The following ERBB4 variants were observed in gnomAD, a reference collection of about 807,000 sequenced individuals.
ERBB4 encodes the protein erb-b2 receptor tyrosine kinase 4.
ERBB4 carries 42 observed loss-of-function variants against 158.0 expected under a neutral mutation model. The observed-to-expected ratio is 0.27, with a 90% CI of 0.21 to 0.34. The LOEUF (loss-of-function observed/expected upper bound fraction) is 0.34. Among genes scored for constraint, ERBB4 ranks in the 10% least tolerant of loss-of-function variants. The pLI, the probability that ERBB4 is intolerant of heterozygous loss-of-function variation, is 1.00. For synonymous variants in ERBB4, 583 were observed against 558.7 expected (o/e 1.04, Z -0.61); for missense variants, 1,333 against 1,624.1 (o/e 0.82, Z 3.08).
intron 19 of ERBB4, among the ~76,000 whole-genome samples, chr2:211,570,508 C>T: frequency 7.4e-6 from 1 of 135,244 alleles, no homozygotes. Context: ...ATTACACTTA[C>T]TATGGCTTCT....
At chr2:212,185,981 A>C (rs1006694713) in intron 1 of ERBB4, among the ~76,000 whole-genome samples, 1 of 152,202 alleles carries the variant, frequency 6.6e-6, no homozygotes, top group African/African-American at 2.4e-5. Flanking sequence ...CTACAACTTA[A>C]AGTAATTTGT....
At chr2:212,262,034 GA>G (rs1314749913) in intron 1 of ERBB4, among the ~76,000 whole-genome samples, 2 of 151,980 alleles carry the variant, frequency 1.3e-5, no homozygotes, top group Non-Finnish European at 2.9e-5. Flanking sequence ...TATTCAATTA[GA>G]AATATCATAG....
intron 1 of ERBB4, among the ~76,000 whole-genome samples, chr2:212,391,948 T>C (rs556974537): frequency 2.0e-5 from 3 of 151,292 alleles, no homozygotes; most frequent in Admixed American, 6.6e-5. Context: ...GCGAAATTTT[T>C]AATTTAAAAG....
chr2:211,965,571 T>C (rs534193411), intron 2 of ERBB4, among the ~76,000 whole-genome samples: 1 of 152,278 alleles, frequency 6.6e-6, no homozygotes, highest in East Asian at 1.9e-4. Flanking sequence ...CAAGTTGTTA[T>C]ATACACAATT....
intron 16 of ERBB4, among the ~76,000 whole-genome samples, chr2:211,657,107 A>C (rs1314663231): frequency 6.6e-6 from 1 of 152,226 alleles, no homozygotes; most frequent in Admixed American, 6.5e-5. Flanking sequence ...AAACTTCTGC[A>C]AATTCCTTAC....
chr2:212,477,577 T>C (rs746450083), intron 1 of ERBB4, among the ~76,000 whole-genome samples: 32 of 152,204 alleles, frequency 2.1e-4, no homozygotes, highest in African/African-American at 7.2e-5. Flanking sequence ...CTGTATTTGC[T>C]GGTGACTTTT....
At position 212,486,008 on chromosome 2, in the gene ERBB4, C is replaced by T. The variant is rs561576106; in HGVS notation, c.82+52441G>A. 9.9e-5 allele frequency among the ~76,000 whole-genome samples: 15 copies of T among 151,962 alleles called. No individual in the cohort carries two copies. In the South Asian group the frequency reaches 3.1e-3, roughly 32 times the overall value. On this transcript the variant is annotated intron_variant, in intron 1 of 27. Transcript: ENST00000342788. ...GGGGTGGGAGACCTCAACATTAAGGCCACAGCATACGTGATGAGAAAGAAC... is the reference window on the plus strand; with the variant it reads ...GGGGTGGGAGACCTCAACATTAAGGTCACAGCATACGTGATGAGAAAGAAC...
intron 19 of ERBB4, among the ~76,000 whole-genome samples, chr2:211,588,312 G>C (rs967297827): frequency 1.1e-4 from 16 of 152,028 alleles, no homozygotes; most frequent in Non-Finnish European, 2.4e-4. Flanking sequence ...TTTTCATATT[G>C]CTGTAGTTTG....
chr2:212,166,865 G>T (rs1215493185), intron 1 of ERBB4, among the ~76,000 whole-genome samples: 3 of 152,104 alleles, frequency 2.0e-5, no homozygotes, highest in Admixed American at 2.0e-4. Context: ...TCCATAAATG[G>T]TGCTGGGAAA....
chr2:211,384,312 T>C (rs979714226), intron 27 of ERBB4, among the ~76,000 whole-genome samples: 2 of 152,222 alleles, frequency 1.3e-5, no homozygotes, highest in Non-Finnish European at 2.9e-5. Context: ...TAAATTTTTC[T>C]TTCTTTCTAA....
intron 3 of ERBB4, among the ~76,000 whole-genome samples, chr2:211,887,729 A>C (rs999710335): frequency 2.0e-5 from 3 of 152,142 alleles, no homozygotes; most frequent in African/African-American, 7.2e-5. Context: ...ACACAAATTT[A>C]TTGATCCTGC....
intron 19 of ERBB4, among the ~76,000 whole-genome samples, chr2:211,586,694 A>G (rs1375876116): frequency 6.6e-6 from 1 of 152,042 alleles, no homozygotes; most frequent in East Asian, 1.9e-4. Context: ...GTTTCTTTTT[A>G]TTTGCTGAAT....
intron 2 of ERBB4, among the ~76,000 whole-genome samples, chr2:211,955,610 C>T (rs1393358076): frequency 1.3e-5 from 2 of 152,090 alleles, no homozygotes; most frequent in East Asian, 3.9e-4. Flanking sequence ...AAACTGCAAA[C>T]TAACTTAAGA....
rs1483800995 is a variant in ERBB4, at chr2:212,188,225, TCTCTCTCTCC to T, written c.83-63332_83-63323del. ...CTCTCTCTCTCTCTCTCTCTCTCTCTCTCTCTCTCCCCCCCCCTCTCACCCCCTCCCTCCC... is the reference window on the plus strand; with the variant it reads ...CTCTCTCTCTCTCTCTCTCTCTCTCTCCCCCCCTCTCACCCCCTCCCTCCC... On this transcript the variant is annotated intron_variant, in intron 1 of 27. Coordinates refer to ENST00000342788, the MANE Select transcript of ERBB4 (RefSeq NM_005235.3). Among the ~76,000 whole-genome samples, 21 of 33,170 alleles carry T rather than the reference TCTCTCTCTCC, an allele frequency of 6.3e-4. 2 individuals are homozygous for T. The highest frequency in any genetic ancestry group is 2.4e-3 in the African/African-American group (20 of 8,332). 21.8% of individuals were successfully genotyped at this position (33,170 alleles called of 152,430 possible). A position where few individuals can be genotyped will look rare whatever the true frequency, so the allele number is the denominator to read the frequency against.
intron 1 of ERBB4, among the ~76,000 whole-genome samples, chr2:212,234,958 T>A (rs2083807240): frequency 6.6e-6 from 1 of 152,226 alleles, no homozygotes; most frequent in South Asian, 2.1e-4. Context: ...TCCTTTGCTG[T>A]ATAGAGGCTT....
intron 9 of ERBB4, among the ~76,000 whole-genome samples, chr2:211,706,303 C>A (rs2073436368): frequency 6.6e-6 from 1 of 152,138 alleles, no homozygotes; most frequent in Non-Finnish European, 1.5e-5. Context: ...TTTTACCAGT[C>A]TCTGAGAACA....
At chr2:211,456,282 G>A (rs2064379545) in intron 20 of ERBB4, among the ~76,000 whole-genome samples, 1 of 152,116 alleles carries the variant, frequency 6.6e-6, no homozygotes, top group African/African-American at 2.4e-5. Context: ...CTATGTCTGT[G>A]TTTTTGCTAG....
intron 1 of ERBB4, among the ~76,000 whole-genome samples, chr2:212,464,903 CA>C (rs1688753434): frequency 6.6e-6 from 1 of 151,458 alleles, no homozygotes; most frequent in South Asian, 2.1e-4. Context: ...CACACACACA[CA>C]CACACACACA....
chr2:211,444,908 A>G (rs2064072191), intron 20 of ERBB4, among the ~76,000 whole-genome samples: 1 of 152,280 alleles, frequency 6.6e-6, no homozygotes, highest in African/African-American at 2.4e-5. Context: ...TTACAAAAAA[A>G]CTAACAAAAG....
Sources: allele counts gnomAD v4.1 joint callset (sites outside exome capture counted in the v4.1 genomes callset), GRCh38; gene constraint gnomAD v4.1.1; transcripts MANE v1.5; gene names NCBI Gene and HGNC (gene_info 2026-07-23, HGNC 2026-07-21).